The following CDH13 variants were observed in gnomAD, a reference collection of about 807,000 sequenced individuals.
CDH13 encodes the protein cadherin-13.
A neutral mutation model predicts 63.8 loss-of-function variants in CDH13; 24 were observed. The ratio of observed to expected loss-of-function variants is 0.38; its 90% CI spans 0.27 to 0.53. The LOEUF is 0.53. Among genes scored for constraint, CDH13 ranks in the 20% least tolerant of loss-of-function variants. The pLI is 0.85. For synonymous variants in CDH13, 503 were observed against 355.3 expected (o/e 1.42, Z -4.67); for missense variants, 1,049 against 903.1 (o/e 1.16, Z -2.07).
intron 7 of CDH13, among the ~76,000 whole-genome samples, chr16:83,550,326 A>G (rs984939390): frequency 6.6e-6 from 1 of 152,244 alleles, no homozygotes; most frequent in Admixed American, 6.5e-5. Flanking sequence ...GGGCGCTGAC[A>G]GAAGTTGTCA....
At chr16:82,751,997 C>T (rs1035262878) in intron 1 of CDH13, among the ~76,000 whole-genome samples, 85 of 152,278 alleles carry the variant, frequency 5.6e-4, no homozygotes, top group African/African-American at 1.9e-3. Flanking sequence ...AAACAATGAC[C>T]ATGTCTAAGC....
chr16:83,742,263 G>A (rs968920772), intron 10 of CDH13, among the ~76,000 whole-genome samples: 2 of 152,152 alleles, frequency 1.3e-5, no homozygotes, highest in African/African-American at 4.8e-5. Flanking sequence ...GGGTGGCGCA[G>A]GCCCCAGTAA....
In CDH13 at chr16:83,783,380, C is replaced by T. The variant is rs1192175988; in HGVS notation, c.2042C>T (p.Ser681Phe). Residue 681 changes from serine to phenylalanine, a missense_variant, in exon 13 of 14, where the codon TCC (serine) becomes TTC (phenylalanine). Ser to Phe is a radical substitution (Grantham distance 155). Transcript: ENST00000567109. ...ACAGATCTCAGGGTACAAGTGTGCT[C>T]CTGCAGGAATTCCAAAGTGGACTGC... Reference protein sequence around the residue: ...NITDLRVQVCSCRNSKVDCNA... With the variant: ...NITDLRVQVCFCRNSKVDCNA... 1.9e-6 allele frequency: 3 copies of T among 1,613,986 alleles called. No individual in the cohort carries two copies. In the African/African-American group the frequency reaches 4.0e-5, roughly 22 times the overall value.
intron 11 of CDH13, among the ~76,000 whole-genome samples, chr16:83,773,132 T>C (rs995234483): frequency 6.6e-6 from 1 of 152,122 alleles, no homozygotes; most frequent in African/African-American, 2.4e-5. Flanking sequence ...TTCCTTTCCA[T>C]GATTACATTT....
intron 1 of CDH13, among the ~76,000 whole-genome samples, chr16:82,821,719 C>A (rs757811884): frequency 6.6e-6 from 1 of 152,180 alleles, no homozygotes; most frequent in Non-Finnish European, 1.5e-5. Flanking sequence ...AGGACTATGA[C>A]CCTGTTTGGG....
chr16:83,443,241 C>T (rs975977722), intron 6 of CDH13, among the ~76,000 whole-genome samples: 3 of 152,104 alleles, frequency 2.0e-5, no homozygotes, highest in Non-Finnish European at 4.4e-5. Context: ...GTTCTAGCTG[C>T]GTTTTTGCTG....
At chr16:83,719,087 C>G (rs990625618) in intron 10 of CDH13, among the ~76,000 whole-genome samples, 1 of 152,182 alleles carries the variant, frequency 6.6e-6, no homozygotes, top group African/African-American at 2.4e-5. Context: ...TAAAATCATT[C>G]TCTCCTTAAA....
intron 7 of CDH13, among the ~76,000 whole-genome samples, chr16:83,564,224 C>A (rs535346916): frequency 6.6e-6 from 1 of 151,960 alleles, no homozygotes; most frequent in African/African-American, 2.4e-5. Context: ...AAAATTGGAC[C>A]GAGTCTGTAT....
At chr16:82,710,546 A>AT (rs1440555277) in intron 1 of CDH13, among the ~76,000 whole-genome samples, 4 of 93,092 alleles carry the variant, frequency 4.3e-5, no homozygotes, top group African/African-American at 8.4e-5. Context: ...AAAAAAAAAA[A>AT]AAAAAAATAT....
chr16:83,758,455 G>GT (rs933616775), intron 11 of CDH13, among the ~76,000 whole-genome samples: 8 of 150,994 alleles, frequency 5.3e-5, no homozygotes, highest in African/African-American at 1.9e-4. Flanking sequence ...TTTTAGTCTA[G>GT]TTTTAAAAAA....
intron 8 of CDH13, among the ~76,000 whole-genome samples, chr16:83,646,183 C>T (rs1433249785): frequency 2.0e-5 from 3 of 152,164 alleles, no homozygotes; most frequent in Admixed American, 2.0e-4. Context: ...AATCCCATCT[C>T]TCCACTCCCT....
intron 7 of CDH13, among the ~76,000 whole-genome samples, chr16:83,522,602 G>C (rs2074866751): frequency 6.6e-6 from 1 of 152,190 alleles, no homozygotes; most frequent in African/African-American, 2.4e-5. Context: ...TTCTATAAAT[G>C]AAAGTAATAA....
At chr16:82,936,712 A>G (rs540765457) in intron 2 of CDH13, among the ~76,000 whole-genome samples, 3 of 152,292 alleles carry the variant, frequency 2.0e-5, no homozygotes, top group African/African-American at 2.4e-5. Context: ...ACGGATGCCA[A>G]TGACCAAGGC....
chr16:83,075,910 C>T (rs1375856968), intron 3 of CDH13, among the ~76,000 whole-genome samples: 1 of 152,190 alleles, frequency 6.6e-6, no homozygotes, highest in Admixed American at 6.5e-5. Context: ...ATCCTCTAAA[C>T]ACATACGAGG....
At chr16:82,915,069 T>C (rs956399244) in intron 2 of CDH13, among the ~76,000 whole-genome samples, 4 of 152,244 alleles carry the variant, frequency 2.6e-5, no homozygotes, top group Non-Finnish European at 1.5e-5. Flanking sequence ...CCTGTTGCCT[T>C]TTTGAAATCC....
intron 7 of CDH13, among the ~76,000 whole-genome samples, chr16:83,558,259 G>A (rs2075640157): frequency 6.6e-6 from 1 of 152,146 alleles, no homozygotes; most frequent in Non-Finnish European, 1.5e-5. Flanking sequence ...AGGTTGTAGT[G>A]GTAAGATTGG....
intron 2 of CDH13, among the ~76,000 whole-genome samples, chr16:82,979,072 G>T (rs905748788): frequency 6.6e-6 from 1 of 152,220 alleles, no homozygotes. Context: ...GAACTTTAAG[G>T]TTTAATGACT....
chr16:83,781,136 C>G (rs1483150730), intron 12 of CDH13, among the ~76,000 whole-genome samples: 2 of 152,146 alleles, frequency 1.3e-5, no homozygotes, highest in Non-Finnish European at 2.9e-5. Flanking sequence ...GCAATGTCTC[C>G]TCCCACAAGT....
chr16:83,699,853 A>T (rs931357549), intron 10 of CDH13, among the ~76,000 whole-genome samples: 2 of 152,150 alleles, frequency 1.3e-5, no homozygotes, highest in Admixed American at 1.3e-4. Context: ...CCCAGCATGT[A>T]CCCAGCCTCA....
Sources: gnomAD v4.1 joint callset for allele counts (sites outside exome capture counted in the v4.1 genomes callset) on GRCh38, gnomAD v4.1.1 for gene constraint, MANE v1.5 for transcripts, NCBI Gene and HGNC (gene_info 2026-07-23, HGNC 2026-07-21) for gene names.